Variants in CALN1 observed in about 807,000 individuals in gnomAD.
The protein encoded by CALN1 is calneuron 1, also known as calcium-binding protein 8.
CALN1 carries 17 observed loss-of-function variants against 30.6 expected under a neutral mutation model. That is an observed-to-expected ratio of 0.56 (90% CI 0.38 to 0.83). The LOEUF is 0.83. Among genes scored for constraint, CALN1 ranks in the 40% least tolerant of loss-of-function variants. The probability of loss-of-function intolerance (pLI) is 0.00; values close to 1 mark genes in which losing one functional copy is unlikely to be tolerated. For missense variants in CALN1, 291 were observed against 354.9 expected (o/e 0.82, Z 1.45); for synonymous variants, 156 against 131.4 (o/e 1.19, Z -1.28).
chr7:72,227,040 A>G lies in CALN1; in HGVS notation c.244+51646T>C, dbSNP rs1029568932. 4.6e-5 allele frequency among the ~76,000 whole-genome samples: 7 copies of G among 151,994 alleles called. No individual in the cohort carries two copies. The East Asian group carries it at 1.4e-3, about 29-fold the overall frequency. On this transcript the variant is annotated intron_variant, in intron 3 of 6. Transcript: ENST00000395275. ...CACAGAGCAAGACTCCATCTCAAAA[A>G]CAAGACAGAAAAGTAAAGATGGGAA... is the stretch of plus-strand genomic sequence containing the variant.
At chr7:72,339,912 G>A (rs187669272) in intron 2 of CALN1, among the ~76,000 whole-genome samples, 246 of 152,282 alleles carry the variant, frequency 1.6e-3, no homozygotes, top group African/African-American at 5.8e-3. Flanking sequence ...GGAGCTACAA[G>A]TCAAGATGAG....
intron 5 of CALN1, among the ~76,000 whole-genome samples, chr7:71,826,755 C>T (rs1788939796): frequency 2.6e-5 from 4 of 152,194 alleles, no homozygotes; most frequent in Admixed American, 2.6e-4. Context: ...CTCATCATTG[C>T]AACCTCTGCC....
chr7:72,481,853 A>G, the CALN1 span, among the ~76,000 whole-genome samples: 1 of 152,118 alleles, frequency 6.6e-6, no homozygotes, highest in South Asian at 2.1e-4. Context: ...TTATTTGTAT[A>G]CTTTGACATT....
chr7:72,149,186 C>T (rs1787018895), intron 3 of CALN1, among the ~76,000 whole-genome samples: 1 of 152,040 alleles, frequency 6.6e-6, no homozygotes, highest in Non-Finnish European at 1.5e-5. Flanking sequence ...CTATTCTTGG[C>T]CAGGCACAGC....
intron 1 of CALN1, among the ~76,000 whole-genome samples, chr7:72,408,020 G>A (rs1001497197): frequency 6.6e-6 from 1 of 152,172 alleles, no homozygotes; most frequent in Non-Finnish European, 1.5e-5. Context: ...ATGCAAATAT[G>A]CACTGTATGG....
At chr7:72,477,391 C>T in the CALN1 span, among the ~76,000 whole-genome samples, 1 of 152,070 alleles carries the variant, frequency 6.6e-6, no homozygotes, top group South Asian at 2.1e-4. Context: ...ACTGATATTG[C>T]TCAGGGCCGC....
chr7:72,483,287 T>C, the CALN1 span, among the ~76,000 whole-genome samples: 1,686 of 95,734 alleles, frequency 0.018, 28 homozygotes, highest in African/African-American at 0.044. Context: ...TTTCTTTTTT[T>C]TTTTTTTTTT....
chr7:72,394,605 G>A (rs1435508329), intron 2 of CALN1, among the ~76,000 whole-genome samples: 1 of 151,280 alleles, frequency 6.6e-6, no homozygotes, highest in East Asian at 1.9e-4. Context: ...TGCATATTTT[G>A]ATGTATATAT....
At chr7:71,888,151 G>C (rs553969609) in intron 5 of CALN1, among the ~76,000 whole-genome samples, 8 of 152,190 alleles carry the variant, frequency 5.3e-5, no homozygotes, top group Non-Finnish European at 1.0e-4. Context: ...AGAGGGCTAA[G>C]GAGTAGGGTC....
At chr7:71,915,115 T>G (rs189546659) in intron 5 of CALN1, among the ~76,000 whole-genome samples, 1 of 152,238 alleles carries the variant, frequency 6.6e-6, no homozygotes, top group African/African-American at 2.4e-5. Flanking sequence ...TCTCTCCAGG[T>G]CAACGTTCAA....
intron 3 of CALN1, among the ~76,000 whole-genome samples, chr7:72,218,857 T>C (rs1429379151): frequency 6.6e-6 from 1 of 152,206 alleles, no homozygotes; most frequent in Non-Finnish European, 1.5e-5. Flanking sequence ...TTATCCATTC[T>C]GTAGCACCTA....
intron 1 of CALN1, among the ~76,000 whole-genome samples, chr7:72,444,419 T>A (rs1393735582): frequency 6.6e-6 from 1 of 152,206 alleles, no homozygotes; most frequent in Non-Finnish European, 1.5e-5. Flanking sequence ...CTCAGCTGTA[T>A]TTCTTAAGTA....
At chr7:72,417,212 G>A (rs541346924), upstream of CALN1, among the ~76,000 whole-genome samples, 19 of 152,330 alleles carry the variant, frequency 1.2e-4, no homozygotes, top group East Asian at 2.3e-3. Flanking sequence ...GGGAGGACAT[G>A]AGTGAGATGC....
chr7:72,188,858 C>G (rs1424883245), intron 3 of CALN1, among the ~76,000 whole-genome samples: 1 of 152,088 alleles, frequency 6.6e-6, no homozygotes, highest in Non-Finnish European at 1.5e-5. Flanking sequence ...GACTCAGGTA[C>G]CACAGTGATG....
At position 71,790,333 on chromosome 7, in the gene CALN1, A is replaced by G. The variant is rs1006878064; in HGVS notation, c.659-2431T>C. On this transcript the variant is annotated intron_variant, in intron 6 of 6. Transcript: ENST00000395275. ...AAAGAAGAAAGAAAGAAAGAAGGAA[A>G]GAAAGAAAGAAAGAAAAGAAAGAAA... Among the ~76,000 whole-genome samples, 6 of 71,350 alleles carry G rather than the reference A, an allele frequency of 8.4e-5. No individual in the cohort carries two copies. In the East Asian group the frequency reaches 2.5e-3, roughly 29 times the overall value. The allele number at this position is 71,350 out of a possible 152,430, so 46.8% of individuals were successfully genotyped here. A position where few individuals can be genotyped will look rare whatever the true frequency, so the allele number is the denominator to read the frequency against.
chr7:72,152,475 G>A (rs1406275939), intron 3 of CALN1, among the ~76,000 whole-genome samples: 2 of 152,082 alleles, frequency 1.3e-5, no homozygotes, highest in African/African-American at 4.8e-5. Context: ...TCTTTCTAGG[G>A]CTTCTTCAGT....
chr7:72,231,549 G>T (rs1794101289), intron 3 of CALN1, among the ~76,000 whole-genome samples: 1 of 152,150 alleles, frequency 6.6e-6, no homozygotes, highest in African/African-American at 2.4e-5. Context: ...CATTTGGGTT[G>T]ATTCCATGTC....
intron 2 of CALN1, among the ~76,000 whole-genome samples, chr7:72,320,276 C>T (rs1246746658): frequency 1.3e-5 from 2 of 152,164 alleles, no homozygotes; most frequent in Non-Finnish European, 2.9e-5. Flanking sequence ...TACGACCTTG[C>T]AAAACGGTAG....
chr7:72,227,248 AAAAG>A (rs1253440375), intron 3 of CALN1, among the ~76,000 whole-genome samples: 1 of 151,834 alleles, frequency 6.6e-6, no homozygotes, highest in Non-Finnish European at 1.5e-5. Flanking sequence ...AAAAAAAAAA[AAAAG>A]AGGGCAGCCG....
Sources: allele counts gnomAD v4.1 joint callset (sites outside exome capture counted in the v4.1 genomes callset), GRCh38; gene constraint gnomAD v4.1.1; transcripts MANE v1.5; gene names NCBI Gene and HGNC (gene_info 2026-07-23, HGNC 2026-07-21).